The following TMEM134 variants were observed in gnomAD, a reference collection of about 807,000 sequenced individuals.
TMEM134 encodes the protein transmembrane protein 134.
Under a neutral mutation model 26.2 loss-of-function variants are expected in TMEM134, and 36 were observed. The ratio of observed to expected loss-of-function variants is 1.37; its 90% CI spans 1.05 to 1.81. TMEM134 has a LOEUF of 1.81. Among genes scored for constraint, TMEM134 ranks in the 40% most tolerant of loss-of-function variants. The pLI is 0.00. For missense variants in TMEM134, 339 were observed against 263.5 expected, an observed-to-expected ratio of 1.29 and a Z score of -1.98; for synonymous variants, 133 against 113.6, an observed-to-expected ratio of 1.17 and a Z score of -1.08.
chr11:67,466,473 G>C (rs1865254951), intron 4 of TMEM134: 1 of 152,564 alleles, frequency 6.6e-6, no homozygotes, highest in African/African-American at 2.4e-5. Context: ...GGGTTGAGGG[G>C]AAAAATGAAA....
rs1318387762 is a variant in TMEM134, at chr11:67,468,099, C to A, written c.175-7G>T. On this transcript the variant is annotated splice_region_variant and splice_polypyrimidine_tract_variant and intron_variant, in intron 1 of 6. Coordinates refer to ENST00000308022, the MANE Select transcript of TMEM134 (RefSeq NM_025124.4). ...CCTCATCGTTCTCCAGGTTCTGTTG[C>A]AGAACACAGGTCTCAGGGGGGTTGC... 3.3e-5 allele frequency: 51 copies of A among 1,560,148 alleles called. No homozygotes were observed. Among genetic ancestry groups the A allele is most frequent in the Non-Finnish European group, 4.0e-5 (46 of 1,151,738 alleles).
chr11:67,464,506 G>A lies in TMEM134; in HGVS notation c.*108C>T, dbSNP rs1865111160. On this transcript the variant is annotated 3_prime_UTR_variant, in exon 7 of 7. Transcript: ENST00000308022. Reference sequence around the variant, plus strand: ...GAACTTCCTGAGCAAACTCCCTAGGGGCTGGGGTTTCGAGGGTCCTGGAGG... The same window carrying A: ...GAACTTCCTGAGCAAACTCCCTAGGAGCTGGGGTTTCGAGGGTCCTGGAGG... 3 of 1,199,910 alleles carry A rather than the reference G, an allele frequency of 2.5e-6. No homozygotes were observed. Among genetic ancestry groups the A allele is most frequent in the African/African-American group, 1.5e-5 (1 of 65,656 alleles). 74.3% of individuals were successfully genotyped at this position (1,199,910 alleles called of 1,614,324 possible).
intron 5 of TMEM134, 42 bp from the exon 6 acceptor site, chr11:67,464,898 G>A (rs1865152843): frequency 1.2e-6 from 2 of 1,604,118 alleles, no homozygotes; most frequent in Admixed American, 1.7e-5. Flanking sequence ...AGGGGGCGGA[G>A]GCTTCGAGGC....
rs1410186058 is a variant in TMEM134, at chr11:67,462,710, TTTA to T, written c.*1901_*1903del. The T allele has an allele frequency of 1.1e-4, 16 of 151,388 alleles. No homozygotes were observed. The highest frequency in any genetic ancestry group is 3.4e-4 in the African/African-American group (14 of 40,974). The allele number at this position is 151,388 out of a possible 1,614,324, so 9.4% of individuals were successfully genotyped here. The stretch of plus-strand genomic sequence containing the variant: ...TTAAAATTTTTATGTTATTTATTTA[TTTA>T]TTTTTTAAATAGGTCTCAGTCTGTC... On this transcript the variant is annotated 3_prime_UTR_variant, in exon 7 of 7. Coordinates refer to ENST00000308022, the MANE Select transcript of TMEM134 (RefSeq NM_025124.4).
chr11:67,464,460 A>G lies in TMEM134; in HGVS notation c.*154T>C. The G allele has an allele frequency of 1.3e-6, 1 of 742,068 alleles. No individual in the cohort carries two copies. Among genetic ancestry groups the G allele is most frequent in the Non-Finnish European group, 2.3e-6 (1 of 443,876 alleles). 46.0% of individuals were successfully genotyped at this position (742,068 alleles called of 1,614,324 possible). A position where few individuals can be genotyped will look rare whatever the true frequency, so the allele number is the denominator to read the frequency against. ...AGAGCAGGCGACGGGCGGCTTTCCC[A>G]GGGCCAGGCCTGCATGCCCCGAACT... On this transcript the variant is annotated 3_prime_UTR_variant, in exon 7 of 7. Coordinates refer to ENST00000308022, the MANE Select transcript of TMEM134 (RefSeq NM_025124.4).
intron 1 of TMEM134, among the ~76,000 whole-genome samples, chr11:67,468,766 C>T (rs1336270782): frequency 6.6e-6 from 1 of 152,200 alleles, no homozygotes; most frequent in Non-Finnish European, 1.5e-5. Flanking sequence ...CGGTTGGGTT[C>T]CCCAGCTGGA....
rs760636185 is a variant in TMEM134, at chr11:67,464,588, C to T, written c.*26G>A. ...AGGGCAAGAGGGGCGCCCCCATGGG[C>T]GCAAGGGGTCCACGCTGCGCCGCGA... On this transcript the variant is annotated 3_prime_UTR_variant, in exon 7 of 7. Coordinates refer to ENST00000308022, the MANE Select transcript of TMEM134 (RefSeq NM_025124.4). 2.6e-6 allele frequency: 4 copies of T among 1,551,216 alleles called. No individual in the cohort carries two copies. Among genetic ancestry groups the T allele is most frequent in the Non-Finnish European group, 3.5e-6 (4 of 1,146,574 alleles).
Position 67,467,322 on chromosome 11 carries a change from C to A in TMEM134, c.396G>T (p.Leu132=). 1 of 1,613,868 alleles carries A rather than the reference C, an allele frequency of 6.2e-7. No individual in the cohort carries two copies. The stretch of plus-strand genomic sequence containing the variant: ...CTCAGGGCCACTCACCCAGCCCCAG[C>A]AGCAGGAGCAGGAAGGAGGCCAGCA... ...RVVLASFLLL[L]LGLVLILVGV... The change falls in exon 4 of 7, where the codon CTG becomes CTT. Residue 132 remains leucine (L), a synonymous_variant. Coordinates refer to ENST00000308022, the MANE Select transcript of TMEM134 (RefSeq NM_025124.4).
intron 5 of TMEM134, 30 bp from the exon 6 acceptor site, chr11:67,464,886 C>T: frequency 1.2e-6 from 2 of 1,607,808 alleles, no homozygotes; most frequent in Non-Finnish European, 1.7e-6. Flanking sequence ...CCGGTCAGGG[C>T]GAGGGGGCGG....
chr11:67,463,348 T>A lies in TMEM134; in HGVS notation c.*1266A>T, dbSNP rs1454119609. On this transcript the variant is annotated 3_prime_UTR_variant, in exon 7 of 7. Transcript: ENST00000308022. Reference sequence around the variant, plus strand: ...CTCAGCCAGCCTCTTGGTTGGCCGGTAGGGGAGACCAGCTCAGTGCCGGTT... The same window carrying A: ...CTCAGCCAGCCTCTTGGTTGGCCGGAAGGGGAGACCAGCTCAGTGCCGGTT... The A allele has an allele frequency of 1.3e-5, 2 of 152,220 alleles. No individual in the cohort carries two copies. The highest frequency in any genetic ancestry group is 4.8e-5 in the African/African-American group (2 of 41,448). The allele number at this position is 152,220 out of a possible 1,614,324, so 9.4% of individuals were successfully genotyped here.
intron 1 of TMEM134, among the ~76,000 whole-genome samples, chr11:67,468,587 T>C (rs767164481): frequency 1.3e-5 from 2 of 152,012 alleles, no homozygotes; most frequent in Non-Finnish European, 2.9e-5. Flanking sequence ...GTGGTGGGAT[T>C]AGGGAGAGGG....
Position 67,467,394 on chromosome 11 carries a change from T to C in TMEM134, c.330-6A>G. ...TCAAAGGGTGTTGGGTCCAGCTGGGTGGCAGGAGAGCAGGGTGAATGTGAA... is the reference window on the plus strand; with the variant it reads ...TCAAAGGGTGTTGGGTCCAGCTGGGCGGCAGGAGAGCAGGGTGAATGTGAA... On this transcript the variant is annotated splice_region_variant and splice_polypyrimidine_tract_variant and intron_variant, in intron 3 of 6. Transcript: ENST00000308022. 1 of 1,608,788 alleles carries C rather than the reference T, an allele frequency of 6.2e-7. No individual in the cohort carries two copies. Among genetic ancestry groups the C allele is most frequent in the Non-Finnish European group, 8.5e-7 (1 of 1,178,328 alleles).
intron 4 of TMEM134, chr11:67,465,314 G>C: frequency 7.4e-7 from 1 of 1,349,538 alleles, no homozygotes; most frequent in African/African-American, 1.5e-5. Flanking sequence ...CCTTGGGGTG[G>C]GCTTTTAGTC....
intron 4 of TMEM134, 36 bp from the exon 5 acceptor site, chr11:67,465,136 AGCAGTGGTGAGGGCGGGG>A: frequency 6.4e-7 from 1 of 1,550,902 alleles, no homozygotes; most frequent in Non-Finnish European, 8.7e-7. Flanking sequence ...TGGGGGCAGG[AGCAGTGGTGAGGGCGGGG>A]GCTCCCACCC....
chr11:67,469,130 C>T lies in TMEM134; in HGVS notation c.63G>A (p.Gly21=). The change falls in exon 1 of 7, where the codon GGG becomes GGA. Residue 21 remains glycine (G), a synonymous_variant. Transcript: ENST00000308022. ...DDAFELSLED[G]GPGPESSGVA... is the part of the protein sequence containing the mutation. ...CCCCGCTGGACTCGGGCCCAGGGCC[C>T]CCGTCCTCCAGGGACAGCTCGAAGG... 2.0e-6 allele frequency: 3 copies of T among 1,498,690 alleles called. No individual in the cohort carries two copies. The South Asian group carries it at 3.7e-5, about 19-fold the overall frequency. The allele number at this position is 1,498,690 out of a possible 1,614,324, so 92.8% of individuals were successfully genotyped here.
chr11:67,465,197 G>A (rs1448986705), intron 4 of TMEM134, 97 bp from the exon 5 acceptor site: 2 of 1,534,232 alleles, frequency 1.3e-6, no homozygotes, highest in African/African-American at 1.4e-5. Context: ...TGAGCTGAAG[G>A]TGCCCTAGGC....
At position 67,469,205 on chromosome 11, in the gene TMEM134, C is replaced by A. The variant is rs564964761; in HGVS notation, c.-13G>T. ...GGGCGGCGCTCATGGCCCCGGCCCG[C>A]TCAGGCGCCGTGCGCCGCCGCCATC... On this transcript the variant is annotated 5_prime_UTR_variant, in exon 1 of 7. Transcript: ENST00000308022. 2,986 of 1,271,000 alleles carry A rather than the reference C, an allele frequency of 2.3e-3. 16 individuals are homozygous for A. Among genetic ancestry groups the A allele is most frequent in the South Asian group, 0.019 (714 of 36,728 alleles). The allele number at this position is 1,271,000 out of a possible 1,614,324, so 78.7% of individuals were successfully genotyped here. A position where few individuals can be genotyped will look rare whatever the true frequency, so the allele number is the denominator to read the frequency against.
intron 1 of TMEM134, 129 bp downstream of exon 1, chr11:67,468,890 G>A (rs1865467062): frequency 1.0e-6 from 1 of 954,168 alleles, no homozygotes; most frequent in Admixed American, 4.2e-5. Context: ...ACGTCCGCGG[G>A]GCGGGGGGGC....
At chr11:67,468,168 A>G (rs954400431) in intron 1 of TMEM134, 76 bp from the exon 2 acceptor site, 5 of 1,382,634 alleles carry the variant, frequency 3.6e-6, no homozygotes, top group Admixed American at 2.0e-5. Flanking sequence ...AGAGAAAAGC[A>G]GGCCTACACA....
Sources: allele counts gnomAD v4.1 joint callset (sites outside exome capture counted in the v4.1 genomes callset), GRCh38; gene constraint gnomAD v4.1.1; transcripts MANE v1.5; gene names NCBI Gene and HGNC (gene_info 2026-07-23, HGNC 2026-07-21).